Variants in CDH4 observed in about 807,000 individuals in gnomAD.
CDH4 encodes the protein cadherin-4.
Under a neutral mutation model 86.0 loss-of-function variants are expected in CDH4, and 33 were observed. The observed-to-expected ratio is 0.38, with a 90% CI of 0.29 to 0.51. The LOEUF (loss-of-function observed/expected upper bound fraction) is 0.51. Among genes scored for constraint, CDH4 ranks in the 20% least tolerant of loss-of-function variants. The pLI, the probability that CDH4 is intolerant of heterozygous loss-of-function variation, is 0.86. For missense variants in CDH4, 1,114 were observed against 1,307.4 expected, an observed-to-expected ratio of 0.85 and a Z score of 2.28; for synonymous variants, 555 against 549.4, an observed-to-expected ratio of 1.01 and a Z score of -0.14.
At chr20:61,770,713 C>A (rs575360669) in intron 3 of CDH4, among the ~76,000 whole-genome samples, 57 of 152,246 alleles carry the variant, frequency 3.7e-4, no homozygotes, top group African/African-American at 1.3e-3. Context: ...AAAACCCCGT[C>A]TCTACTAAAA....
intron 2 of CDH4, among the ~76,000 whole-genome samples, chr20:61,328,333 G>T (rs1043514651): frequency 7.2e-5 from 11 of 152,106 alleles, no homozygotes; most frequent in African/African-American, 2.7e-4. Flanking sequence ...ATGCCACCAT[G>T]CCTGGCTAAT....
chr20:61,883,921 G>A (rs1184757519), intron 7 of CDH4, among the ~76,000 whole-genome samples: 2 of 152,154 alleles, frequency 1.3e-5, no homozygotes, highest in African/African-American at 4.8e-5. Context: ...GAAGCAAGAG[G>A]GTCCCAGCAT....
chr20:61,582,642 C>T lies in CDH4; in HGVS notation c.170-160921C>T, dbSNP rs2086438307. On this transcript the variant is annotated intron_variant, in intron 2 of 15. Transcript: ENST00000614565. The surrounding 1 kb of genome is among the most constrained non-coding windows in gnomAD (Gnocchi z 4.2). ...CTGCAGGGCCTGGTGCGGTGGAGCC[C>T]AGGCAGTGCTCCCTGCACCTGTCAG... Among the ~76,000 whole-genome samples the T allele has an allele frequency of 6.6e-6, 1 of 152,152 alleles. No homozygotes were observed. Among genetic ancestry groups the T allele is most frequent in the South Asian group, 2.1e-4 (1 of 4,830 alleles).
At chr20:61,926,584 G>A (rs2055046965) in intron 11 of CDH4, among the ~76,000 whole-genome samples, 1 of 152,200 alleles carries the variant, frequency 6.6e-6, no homozygotes, top group African/African-American at 2.4e-5. Flanking sequence ...AAGTGATTGT[G>A]AGCCCGGGCC....
chr20:61,605,347 C>G (rs1479389380), intron 2 of CDH4, among the ~76,000 whole-genome samples: 1 of 152,118 alleles, frequency 6.6e-6, no homozygotes, highest in East Asian at 1.9e-4. Context: ...GTGTGTCTCT[C>G]TCTGTCTCCC....
intron 2 of CDH4, among the ~76,000 whole-genome samples, chr20:61,383,504 A>C (rs1260403014): frequency 9.7e-6 from 1 of 103,202 alleles, no homozygotes; most frequent in East Asian, 2.5e-4. Flanking sequence ...TATATTATAT[A>C]TGATATATAT....
At position 61,544,588 on chromosome 20, in the gene CDH4, C is replaced by A. The variant is rs2086063763; in HGVS notation, c.170-198975C>A. ...GATCCCTGCGTTGACGGTGGCATGACCGTGTGTGATGGGATGTGCCGGGGG... is the reference window on the plus strand; with the variant it reads ...GATCCCTGCGTTGACGGTGGCATGAACGTGTGTGATGGGATGTGCCGGGGG... On this transcript the variant is annotated intron_variant, in intron 2 of 15. Coordinates refer to ENST00000614565, the MANE Select transcript of CDH4 (RefSeq NM_001794.5). This position sits in a 1 kb window ranked among gnomAD's most constrained non-coding sequence, Gnocchi z 6.5. Among the ~76,000 whole-genome samples, 1 of 151,852 alleles carries A rather than the reference C, an allele frequency of 6.6e-6. No homozygotes were observed. Among genetic ancestry groups the A allele is most frequent in the African/African-American group, 2.4e-5 (1 of 41,358 alleles).
intron 2 of CDH4, among the ~76,000 whole-genome samples, chr20:61,686,878 G>A (rs556202194): frequency 6.6e-6 from 1 of 152,344 alleles, no homozygotes; most frequent in Admixed American, 6.5e-5. Flanking sequence ...AGGACGGAGA[G>A]TGATTAACTT....
At chr20:61,349,996 C>G (rs2084701385) in intron 2 of CDH4, among the ~76,000 whole-genome samples, 1 of 152,196 alleles carries the variant, frequency 6.6e-6, no homozygotes. Context: ...CTGGGACAGT[C>G]ATGTCAGGAA....
intron 2 of CDH4, among the ~76,000 whole-genome samples, chr20:61,508,382 G>C (rs895237086): frequency 6.6e-6 from 1 of 152,248 alleles, no homozygotes; most frequent in Non-Finnish European, 1.5e-5. Flanking sequence ...CACACTTTCA[G>C]CCACACGGGT....
intron 2 of CDH4, among the ~76,000 whole-genome samples, chr20:61,589,931 T>A (rs2086505634): frequency 6.6e-6 from 1 of 151,470 alleles, no homozygotes; most frequent in Non-Finnish European, 1.5e-5. Flanking sequence ...GCGATGGGAA[T>A]GGTGCTCCTT....
At chr20:61,394,734 G>A (rs1414823521) in intron 2 of CDH4, among the ~76,000 whole-genome samples, 2 of 151,624 alleles carry the variant, frequency 1.3e-5, no homozygotes, top group Non-Finnish European at 2.9e-5. Flanking sequence ...CTCAAAAGGA[G>A]CCAGCAAATC....
chr20:61,936,953 C>T lies in CDH4; in HGVS notation c.*10C>T. ...TGGTGAAGAGGATTGACTGACCTCG[C>T]ATCTTCGGACCGAAGTGAGAGCCGT... is the stretch of plus-strand genomic sequence containing the variant. On this transcript the variant is annotated 3_prime_UTR_variant, in exon 16 of 16. Transcript: ENST00000614565. 1 of 1,550,984 alleles carries T rather than the reference C, an allele frequency of 6.4e-7. No individual in the cohort carries two copies. Among genetic ancestry groups the T allele is most frequent in the Non-Finnish European group, 8.7e-7 (1 of 1,146,124 alleles).
chr20:61,458,796 G>A (rs2085424797), intron 2 of CDH4, among the ~76,000 whole-genome samples: 1 of 151,922 alleles, frequency 6.6e-6, no homozygotes, highest in Non-Finnish European at 1.5e-5. Context: ...GGACAGTAGT[G>A]GTGGTGGCAA....
intron 2 of CDH4, among the ~76,000 whole-genome samples, chr20:61,584,587 G>A (rs535551145): frequency 2.6e-5 from 4 of 152,326 alleles, no homozygotes; most frequent in Non-Finnish European, 5.9e-5. Flanking sequence ...CAGCCTTGGA[G>A]GTATTGGGTG....
intron 2 of CDH4, among the ~76,000 whole-genome samples, chr20:61,301,392 T>G (rs1381857182): frequency 6.6e-6 from 1 of 152,202 alleles, no homozygotes; most frequent in African/African-American, 2.4e-5. Flanking sequence ...CATTGCCCCT[T>G]TATTTAAATG....
At chr20:61,337,987 G>C (rs1452280267) in intron 2 of CDH4, among the ~76,000 whole-genome samples, 1 of 152,106 alleles carries the variant, frequency 6.6e-6, no homozygotes, top group Non-Finnish European at 1.5e-5. Context: ...TAACTGGGAA[G>C]ATATCCAAGG....
At chr20:61,577,747 G>T (rs908065668) in intron 2 of CDH4, among the ~76,000 whole-genome samples, 1 of 152,142 alleles carries the variant, frequency 6.6e-6, no homozygotes, top group East Asian at 1.9e-4. Context: ...CTTCTCCTTG[G>T]TTGATTAAAT....
chr20:61,328,984 G>A (rs1173640443), intron 2 of CDH4, among the ~76,000 whole-genome samples: 2 of 152,116 alleles, frequency 1.3e-5, no homozygotes, highest in Non-Finnish European at 1.5e-5. Context: ...GAGCATCATG[G>A]CTTAGCCTAG....
Sources: allele counts gnomAD v4.1 joint callset (sites outside exome capture counted in the v4.1 genomes callset), GRCh38; gene constraint gnomAD v4.1.1; non-coding constraint Gnocchi (gnomAD v3.1); transcripts MANE v1.5; gene names NCBI Gene and HGNC (gene_info 2026-07-23, HGNC 2026-07-21).